The following CRKL variants were observed in gnomAD, a reference collection of about 807,000 sequenced individuals.
The protein encoded by CRKL is CRK like proto-oncogene, adaptor protein, also known as crk-like protein.
CRKL carries 3 observed loss-of-function variants against 23.0 expected under a neutral mutation model. The ratio of observed to expected loss-of-function variants is 0.13; its 90% CI spans 0.06 to 0.34. The LOEUF (loss-of-function observed/expected upper bound fraction) is 0.34. CRKL is among the 10% of genes least tolerant of loss of function. The pLI, the probability that CRKL is intolerant of heterozygous loss-of-function variation, is 1.00. For synonymous variants in CRKL, 188 were observed against 160.7 expected (o/e 1.17, Z -1.28); for missense variants, 256 against 394.5 (o/e 0.65, Z 2.97).
intron 1 of CRKL, among the ~76,000 whole-genome samples, chr22:20,925,152 C>CA (rs1047254712): frequency 1.4e-5 from 2 of 139,804 alleles, no homozygotes; most frequent in African/African-American, 5.3e-5. Context: ...CACACCACTG[C>CA]ACTCCAGCCT....
Position 20,927,111 on chromosome 22 carries a change from C to CAAA in CRKL, c.312-6645_312-6643dup, listed in dbSNP as rs371278201. Among the ~76,000 whole-genome samples, 92 of 48,508 alleles carry CAAA rather than the reference C, an allele frequency of 1.9e-3. 5 individuals are homozygous for CAAA. The highest frequency in any genetic ancestry group is 9.2e-3 in the African/African-American group (84 of 9,152). The allele number at this position is 48,508 out of a possible 152,430, so 31.8% of individuals were successfully genotyped here. A position where few individuals can be genotyped will look rare whatever the true frequency, so the allele number is the denominator to read the frequency against. Reference sequence around the variant, plus strand: ...TGGGTGACAGAGCAAGACTCCGTCTCAAAAAAAAAAAAAAAAAAAAAAAAA... The same window carrying CAAA: ...TGGGTGACAGAGCAAGACTCCGTCTCAAAAAAAAAAAAAAAAAAAAAAAAAAAA... On this transcript the variant is annotated intron_variant, in intron 1 of 2. Transcript: ENST00000354336.
At chr22:20,932,835 G>A (rs1299876633) in intron 1 of CRKL, among the ~76,000 whole-genome samples, 1 of 151,998 alleles carries the variant, frequency 6.6e-6, no homozygotes, top group African/African-American at 2.4e-5. Flanking sequence ...ACAGCACTTT[G>A]GGAGGCTGAG....
chr22:20,939,875 A>AC (rs542186475), intron 2 of CRKL, among the ~76,000 whole-genome samples: 18 of 133,720 alleles, frequency 1.3e-4, no homozygotes, highest in Admixed American at 4.7e-4. Flanking sequence ...TGCACCCTCT[A>AC]CCTCCCAGGT....
At position 20,949,918 on chromosome 22, in the gene CRKL, T is replaced by C; in HGVS notation, c.*73T>C. On this transcript the variant is annotated 3_prime_UTR_variant, in exon 3 of 3. Coordinates refer to ENST00000354336, the MANE Select transcript of CRKL (RefSeq NM_005207.4). ...TCTCCTTTGAAGTGGGAAAGCATTT[T>C]CTCTCATAGGCAAGTCACACTGCAT... 2 of 1,535,234 alleles carry C rather than the reference T, an allele frequency of 1.3e-6. No individual in the cohort carries two copies. The highest frequency in any genetic ancestry group is 1.7e-6 in the Non-Finnish European group (2 of 1,145,696).
In CRKL at chr22:20,934,260, A is replaced by G. The variant is rs1343722943; in HGVS notation, c.777+16A>G. On this transcript the variant is annotated intron_variant, in intron 2 of 2. Coordinates refer to ENST00000354336, the MANE Select transcript of CRKL (RefSeq NM_005207.4). ...GGCATTAGAGGTAAAATCTGTTCAG[A>G]TTAGCTTTTTGGGTCCTTTGACATT... The G allele has an allele frequency of 6.3e-7, 1 of 1,587,430 alleles. No individual in the cohort carries two copies. Among genetic ancestry groups the G allele is most frequent in the African/African-American group, 1.4e-5 (1 of 73,818 alleles).
intron 1 of CRKL, among the ~76,000 whole-genome samples, chr22:20,923,514 T>C (rs905546656): frequency 1.3e-5 from 2 of 151,570 alleles, no homozygotes; most frequent in African/African-American, 4.9e-5. Flanking sequence ...CCTGACCTCG[T>C]GAACCGCCCG....
In CRKL at chr22:20,934,019, C is replaced by A. The variant is rs555439236; in HGVS notation, c.552C>A (p.Ser184=). 6.2e-6 allele frequency: 10 copies of A among 1,614,150 alleles called. No individual in the cohort carries two copies. Among genetic ancestry groups the A allele is most frequent in the Non-Finnish European group, 8.5e-6 (10 of 1,180,040 alleles). The part of the protein sequence containing the change: ...PVPYVEKLVR[S]SPHGKHGNRN... ...CTTATGTCGAAAAGCTTGTGAGATC[C>A]TCACCACACGGAAAGCATGGAAATA... Residue 184 remains serine (S), a synonymous_variant, in exon 2 of 3, where the codon TCC becomes TCA. Coordinates refer to ENST00000354336, the MANE Select transcript of CRKL (RefSeq NM_005207.4).
intron 1 of CRKL, among the ~76,000 whole-genome samples, chr22:20,926,591 T>C (rs1435998165): frequency 6.6e-6 from 1 of 151,848 alleles, no homozygotes; most frequent in Non-Finnish European, 1.5e-5. Flanking sequence ...ATCTGATGGG[T>C]TTGTTATTGA....
At chr22:20,941,578 G>GTGTGTGTA (rs1307351827) in intron 2 of CRKL, among the ~76,000 whole-genome samples, 2 of 38,966 alleles carry the variant, frequency 5.1e-5, no homozygotes, top group Non-Finnish European at 8.7e-5. Context: ...GTGTGTGTGT[G>GTGTGTGTA]TATATATATA....
rs543226751 is a variant in CRKL, at chr22:20,936,653, C to A, written c.777+2409C>A. ...GGCGTGAGCTACCATGCCTGGCCCT[C>A]AAGTTTTTCTTTGGACCAGTAGTAG... On this transcript the variant is annotated intron_variant, in intron 2 of 2. Transcript: ENST00000354336. Among the ~76,000 whole-genome samples the A allele has an allele frequency of 3.3e-5, 5 of 151,936 alleles. No homozygotes were observed. In the East Asian group the frequency reaches 9.8e-4, roughly 30 times the overall value.
chr22:20,926,555 T>C (rs2147898302), intron 1 of CRKL, among the ~76,000 whole-genome samples: 1 of 152,256 alleles, frequency 6.6e-6, no homozygotes, highest in East Asian at 1.9e-4. Flanking sequence ...TTGAGGTACC[T>C]GCTGGAAGCC....
intron 2 of CRKL, among the ~76,000 whole-genome samples, chr22:20,947,875 G>C (rs1299409347): frequency 2.6e-5 from 4 of 151,278 alleles, no homozygotes; most frequent in African/African-American, 9.7e-5. Context: ...TTAGAGACAG[G>C]GTTTCACTGT....
At chr22:20,921,644 A>C (rs983461396) in intron 1 of CRKL, among the ~76,000 whole-genome samples, 1 of 152,112 alleles carries the variant, frequency 6.6e-6, no homozygotes, top group African/African-American at 2.4e-5. Flanking sequence ...GTTTAGGGAA[A>C]AGCTTATGTA....
intron 1 of CRKL, among the ~76,000 whole-genome samples, chr22:20,930,561 G>A (rs1921405359): frequency 6.6e-6 from 1 of 150,808 alleles, no homozygotes; most frequent in African/African-American, 2.4e-5. Context: ...TGTATTTTTA[G>A]TAGTGACAGG....
In CRKL at chr22:20,949,716, T is replaced by G. The variant is rs943869278; in HGVS notation, c.783T>G (p.Gly261=). ...YDKTALALEV[G]DIVKVTRMNI... Reference sequence around the variant, plus strand: ...TGTCTTCTTCATCCATACAGGTTGGTGACATCGTGAAAGTCACAAGGATGA... The same window carrying G: ...TGTCTTCTTCATCCATACAGGTTGGGGACATCGTGAAAGTCACAAGGATGA... The change falls in exon 3 of 3, where the codon GGT becomes GGG. Residue 261 remains glycine, a synonymous_variant. Transcript: ENST00000354336. 1.5e-5 allele frequency: 24 copies of G among 1,612,478 alleles called. No homozygotes were observed. Among genetic ancestry groups the G allele is most frequent in the South Asian group, 2.2e-5 (2 of 90,606 alleles).
chr22:20,936,539 C>T (rs1421155416), intron 2 of CRKL, among the ~76,000 whole-genome samples: 6 of 151,908 alleles, frequency 3.9e-5, no homozygotes, highest in African/African-American at 1.2e-4. Flanking sequence ...TTAATAGAGA[C>T]GGGGTTTCTC....
At chr22:20,940,014 T>C (rs904879676) in intron 2 of CRKL, among the ~76,000 whole-genome samples, 3 of 151,956 alleles carry the variant, frequency 2.0e-5, no homozygotes, top group African/African-American at 7.3e-5. Context: ...GGTCTCAAAC[T>C]CCTAACCTCA....
intron 1 of CRKL, among the ~76,000 whole-genome samples, chr22:20,930,487 C>G (rs557294887): frequency 6.6e-6 from 1 of 152,264 alleles, no homozygotes; most frequent in South Asian, 2.1e-4. Context: ...TCAAGCAATT[C>G]TCTTCCCTCG....
intron 1 of CRKL, among the ~76,000 whole-genome samples, chr22:20,931,584 TATGAGTG>T (rs1353019272): frequency 3.3e-5 from 5 of 152,256 alleles, no homozygotes; most frequent in African/African-American, 1.2e-4. Flanking sequence ...ATTAGCTCAT[TATGAGTG>T]AAGAGTTTAG....
Sources: gnomAD v4.1 joint callset for allele counts (sites outside exome capture counted in the v4.1 genomes callset) on GRCh38, gnomAD v4.1.1 for gene constraint, MANE v1.5 for transcripts, NCBI Gene and HGNC (gene_info 2026-07-23, HGNC 2026-07-21) for gene names.